UNC79: variants seen among roughly 807,000 people sequenced by gnomAD.
The protein encoded by UNC79 is protein unc-79 homolog.
Under a neutral mutation model 283.1 loss-of-function variants are expected in UNC79, and 37 were observed. The ratio of observed to expected loss-of-function variants is 0.13; its 90% confidence interval spans 0.10 to 0.17. The LOEUF (loss-of-function observed/expected upper bound fraction) is 0.17, where lower values mean the gene tolerates loss of function less well. Ranked by LOEUF, UNC79 falls within the 10% of genes least tolerant of loss-of-function variation. The pLI is 1.00. For synonymous variants in UNC79, 1,107 were observed against 1,200.2 expected (o/e 0.92, Z 1.61); for missense variants, 2,272 against 3,211.1 (o/e 0.71, Z 7.07).
At chr14:93,706,270 A>G (rs1375589316) in intron 48 of UNC79, among the ~76,000 whole-genome samples, 2 of 151,942 alleles carry the variant, frequency 1.3e-5, no homozygotes, top group Non-Finnish European at 2.9e-5. Flanking sequence ...CCCTTTACCC[A>G]TGAGAAAACC....
intron 4 of UNC79, among the ~76,000 whole-genome samples, chr14:93,481,086 A>G (rs2058114185): frequency 6.6e-6 from 1 of 152,196 alleles, no homozygotes; most frequent in Non-Finnish European, 1.5e-5. Context: ...CCTCCTTACC[A>G]TCCTTGTCAA....
At chr14:93,496,283 A>G (rs2059009160) in intron 5 of UNC79, 128 bp from the exon 6 acceptor site, 3 of 571,338 alleles carry the variant, frequency 5.3e-6, no homozygotes, top group East Asian at 6.9e-5. Context: ...ATATGGAGAG[A>G]AGTTATTTCT....
rs957052872 is a variant in UNC79, at chr14:93,664,147, G to A, written c.6636+1433G>A. Among the ~76,000 whole-genome samples the A allele has an allele frequency of 2.0e-5, 3 of 152,084 alleles. No homozygotes were observed. In the East Asian group the frequency reaches 5.8e-4, roughly 29 times the overall value. ...TGTTCCTACCTTCCTCACAGATAAT[G>A]AGAAACTATAAGAAATCGTTTAAAA... On this transcript the variant is annotated intron_variant, in intron 40 of 48. Coordinates refer to ENST00000555664, the Ensembl canonical transcript of UNC79.
At chr14:93,358,871 T>G (rs2054163293) in intron 1 of UNC79, among the ~76,000 whole-genome samples, 1 of 152,184 alleles carries the variant, frequency 6.6e-6, no homozygotes, top group Admixed American at 6.5e-5. Flanking sequence ...CACCCTTGTC[T>G]ACTTCTAGAA....
At chr14:93,558,272 G>C (rs2062299383) in intron 14 of UNC79, among the ~76,000 whole-genome samples, 1 of 152,146 alleles carries the variant, frequency 6.6e-6, no homozygotes, top group South Asian at 2.1e-4. Flanking sequence ...TCAAAACCTT[G>C]CAGGCTGGGC....
chr14:93,402,704 T>C (rs1404120773), intron 1 of UNC79, among the ~76,000 whole-genome samples: 1 of 152,040 alleles, frequency 6.6e-6, no homozygotes, highest in Non-Finnish European at 1.5e-5. Context: ...TTCTGAAATA[T>C]TAATATCAAA....
At chr14:93,333,698 C>T (rs1330181265) in intron 1 of UNC79, among the ~76,000 whole-genome samples, 1 of 152,182 alleles carries the variant, frequency 6.6e-6, no homozygotes, top group Non-Finnish European at 1.5e-5. Context: ...GTCGCTCTTC[C>T]CTAGATGCCC....
At chr14:93,520,248 G>T (rs1430813628) in intron 7 of UNC79, among the ~76,000 whole-genome samples, 1 of 151,788 alleles carries the variant, frequency 6.6e-6, no homozygotes, top group Non-Finnish European at 1.5e-5. Flanking sequence ...GGCTTGCATT[G>T]TTTCTGACGA....
At chr14:93,459,763 T>G (rs1348739389) in intron 1 of UNC79, among the ~76,000 whole-genome samples, 1 of 111,674 alleles carries the variant, frequency 9.0e-6, no homozygotes, top group Non-Finnish European at 1.8e-5. Context: ...CTCCGCCTCT[T>G]GGGTTCATGC....
rs551620284 is a variant in UNC79, at chr14:93,540,578, G to A, written c.1353-82G>A. The A allele has an allele frequency of 1.5e-4, 229 of 1,491,628 alleles. No individual in the cohort carries two copies. In the African/African-American group the frequency reaches 2.6e-3, roughly 17 times the overall value. The allele number at this position is 1,491,628 out of a possible 1,614,324, so 92.4% of individuals were successfully genotyped here. ...AGCAATCCAGGATGCTTGAGTACTC[G>A]TGAGGTACTTCCTCTGAATGGGTCA... On this transcript the variant is annotated intron_variant, in intron 12 of 48. Coordinates refer to ENST00000555664, the Ensembl canonical transcript of UNC79.
At chr14:93,689,462 A>G (rs1233476672) in intron 44 of UNC79, 2 of 150,824 alleles carry the variant, frequency 1.3e-5, no homozygotes, top group South Asian at 2.1e-4. Flanking sequence ...CCTCCCCTCT[A>G]CTGGGGATGC....
chr14:93,454,672 A>G (rs2056747782), intron 1 of UNC79, among the ~76,000 whole-genome samples: 1 of 152,152 alleles, frequency 6.6e-6, no homozygotes, highest in Non-Finnish European at 1.5e-5. Flanking sequence ...AGAATTTAGA[A>G]TTATTATTGT....
chr14:93,658,819 C>T (rs1282948559), intron 38 of UNC79, among the ~76,000 whole-genome samples: 2 of 152,064 alleles, frequency 1.3e-5, no homozygotes, highest in Non-Finnish European at 2.9e-5. Flanking sequence ...TTAATATCTA[C>T]CCAACAAATT....
chr14:93,333,731 T>C (rs1402840212), intron 1 of UNC79, among the ~76,000 whole-genome samples: 1 of 152,208 alleles, frequency 6.6e-6, no homozygotes, highest in Admixed American at 6.5e-5. Context: ...TTTGCAATAA[T>C]TTCAGCGATG....
At chr14:93,593,955 T>A in intron 23 of UNC79, 118 bp downstream of exon 23, 1 of 1,168,390 alleles carries the variant, frequency 8.6e-7, no homozygotes, top group Non-Finnish European at 1.2e-6. Context: ...ATTCTCCTGC[T>A]GGCTGGTGTC....
At chr14:93,654,431 G>A (rs920178822) in intron 37 of UNC79, among the ~76,000 whole-genome samples, 1 of 151,826 alleles carries the variant, frequency 6.6e-6, no homozygotes, top group African/African-American at 2.4e-5. Context: ...AGGAGTTGGG[G>A]GCTGCAGTGA....
chr14:93,497,090 G>A (rs2140609870), intron 6 of UNC79, 67 bp from the exon 7 acceptor site: 2 of 1,536,610 alleles, frequency 1.3e-6, no homozygotes, highest in Non-Finnish European at 1.7e-6. Flanking sequence ...CTTTGGTAAT[G>A]TTGAAGTCTC....
chr14:93,555,211 G>A lies in UNC79; in HGVS notation c.1755+12515G>A, dbSNP rs186851931. On this transcript the variant is annotated intron_variant, in intron 14 of 48. Transcript: ENST00000555664. ...GATTACTAAAGCCATGTGAACTAAAGTGTTTATTTTTCTGATAAAATATTT... is the reference window on the plus strand; with the variant it reads ...GATTACTAAAGCCATGTGAACTAAAATGTTTATTTTTCTGATAAAATATTT... Among the ~76,000 whole-genome samples the A allele has an allele frequency of 2.2e-3, 337 of 152,188 alleles. 3 individuals carry two copies. Among genetic ancestry groups the A allele is most frequent in the Admixed American group, 4.7e-3 (72 of 15,284 alleles).
At chr14:93,358,667 T>C (rs7156348) in intron 1 of UNC79, among the ~76,000 whole-genome samples, 78,841 of 151,968 alleles carry the variant, frequency 0.52, 21,275 homozygotes, top group Admixed American at 0.65. Flanking sequence ...TGATGAACTT[T>C]TTTTTGCCAG....
Sources: gnomAD v4.1 joint callset for allele counts (sites outside exome capture counted in the v4.1 genomes callset) on GRCh38, gnomAD v4.1.1 for gene constraint, MANE v1.5 for transcripts, NCBI Gene and HGNC (gene_info 2026-07-23, HGNC 2026-07-21) for gene names.